The following GPSM2 variants were observed in gnomAD, a reference collection of about 807,000 sequenced individuals.
The protein encoded by GPSM2 is G protein signaling modulator 2.
In GPSM2, 58 loss-of-function variants were observed where a neutral mutation model predicts 78.4. The ratio of observed to expected loss-of-function variants is 0.74; its 90% CI spans 0.60 to 0.92. GPSM2 has a LOEUF of 0.92. Among genes scored for constraint, GPSM2 ranks in the 40% least tolerant of loss-of-function variants. The probability of loss-of-function intolerance (pLI) is 0.00; values close to 1 mark genes in which losing one functional copy is unlikely to be tolerated. For missense variants in GPSM2, 700 were observed against 815.5 expected (o/e 0.86, Z 1.73); for synonymous variants, 224 against 280.2 (o/e 0.80, Z 2.00).
chr1:108,882,176 G>C (rs1271513061), intron 1 of GPSM2, among the ~76,000 whole-genome samples: 1 of 152,112 alleles, frequency 6.6e-6, no homozygotes, highest in Admixed American at 6.6e-5. Context: ...GTCTTGAACT[G>C]TTGGTCTCAA....
At chr1:108,903,983 C>T in intron 9 of GPSM2, 142 bp from the exon 10 acceptor site, 1 of 628,562 alleles carries the variant, frequency 1.6e-6, no homozygotes, top group Non-Finnish European at 2.8e-6. Flanking sequence ...AATTTTCATT[C>T]ATTCATAGTC....
rs1379755625 is a variant in GPSM2 at position 108,933,559 on chromosome 1, A to ATT, written c.*3621_*3622dup. Reference sequence around the variant, plus strand: ...TTGGGATACAAATATCTGCATGAAAATTTAAAGACTTTATTCCTGACTGGT... The same window carrying ATT: ...TTGGGATACAAATATCTGCATGAAAATTTTTAAAGACTTTATTCCTGACTGGT... On this transcript the variant is annotated 3_prime_UTR_variant, in exon 15 of 15. Transcript: ENST00000264126. 1 of 152,278 alleles carries ATT rather than the reference A, an allele frequency of 6.6e-6. No individual in the cohort carries two copies. The highest frequency in any genetic ancestry group is 1.5e-5 in the Non-Finnish European group (1 of 68,058). 9.4% of individuals were successfully genotyped at this position (152,278 alleles called of 1,614,324 possible). A position where few individuals can be genotyped will look rare whatever the true frequency, so the allele number is the denominator to read the frequency against.
At position 108,901,854 on chromosome 1, in the gene GPSM2, C is replaced by T; in HGVS notation, c.862C>T (p.Leu288Phe). Residue 288 changes from leucine (L) to phenylalanine (F), a missense_variant, in exon 8 of 15, where the codon CTT becomes TTT. Coordinates refer to ENST00000264126, the MANE Select transcript of GPSM2 (RefSeq NM_013296.5). ...RAVEAQSCYS[L>F]GNTYTLLQDY... ...TGTAGAAGCACAGTCTTGTTACAGT[C>T]TTGGAAATACATATACTTTACTTCA... 5 of 1,611,148 alleles carry T rather than the reference C, an allele frequency of 3.1e-6. No individual in the cohort carries two copies. The South Asian group carries it at 3.3e-5, about 11-fold the overall frequency.
chr1:108,910,990 GA>G (rs1649692004), intron 10 of GPSM2, among the ~76,000 whole-genome samples: 1 of 151,958 alleles, frequency 6.6e-6, no homozygotes, highest in South Asian at 2.1e-4. Context: ...TAGAACTAAT[GA>G]AATAGTTCTA....
At chr1:108,882,013 G>A (rs1665923862) in intron 1 of GPSM2, among the ~76,000 whole-genome samples, 1 of 152,130 alleles carries the variant, frequency 6.6e-6, no homozygotes, top group South Asian at 2.1e-4. Flanking sequence ...GTGCAGTGGT[G>A]CAATCATCGA....
intron 1 of GPSM2, among the ~76,000 whole-genome samples, chr1:108,879,201 A>G (rs929079390): frequency 2.0e-5 from 3 of 152,214 alleles, no homozygotes; most frequent in African/African-American, 7.2e-5. Context: ...AGTTTCTTAC[A>G]TAAATATGAA....
intron 2 of GPSM2, among the ~76,000 whole-genome samples, chr1:108,887,921 G>A (rs1056242285): frequency 9.2e-5 from 14 of 152,190 alleles, no homozygotes; most frequent in African/African-American, 3.4e-4. Flanking sequence ...ATGCAATTAG[G>A]AACAAAACAA....
At chr1:108,909,500 GAAAT>G (rs1197064454) in intron 10 of GPSM2, 1 of 152,158 alleles carries the variant, frequency 6.6e-6, no homozygotes, top group African/African-American at 2.4e-5. Context: ...GGTTGAGAAA[GAAAT>G]CTTAAAGTTA....
At chr1:108,893,355 T>C (rs1413439592) in intron 2 of GPSM2, among the ~76,000 whole-genome samples, 2 of 152,256 alleles carry the variant, frequency 1.3e-5, no homozygotes, top group East Asian at 1.9e-4. Context: ...GGTGCTGTCA[T>C]GTGTGACCAT....
chr1:108,918,248 C>T (rs111676817), intron 11 of GPSM2, among the ~76,000 whole-genome samples: 4 of 152,210 alleles, frequency 2.6e-5, no homozygotes, highest in African/African-American at 9.6e-5. Context: ...ATTCTACATA[C>T]ATCCAAAAAT....
At chr1:108,881,572 G>A (rs1285809055) in intron 1 of GPSM2, among the ~76,000 whole-genome samples, 1 of 152,190 alleles carries the variant, frequency 6.6e-6, no homozygotes, top group Admixed American at 6.5e-5. Flanking sequence ...CATGAATCAT[G>A]AATCAAGAAT....
intron 1 of GPSM2, among the ~76,000 whole-genome samples, chr1:108,879,814 CA>C (rs1160622842): frequency 6.7e-6 from 1 of 150,212 alleles, no homozygotes; most frequent in Non-Finnish European, 1.5e-5. Context: ...GACTCCATCT[CA>C]AAAAAAAAGG....
At position 108,898,720 on chromosome 1, in the gene GPSM2, T is replaced by C. The variant is rs2101410440; in HGVS notation, c.636T>C (p.His212=). Residue 212 remains histidine, a synonymous_variant, in exon 6 of 15, where the codon CAT becomes CAC. Transcript: ENST00000264126. ...CCTTTGGAAATCTTGGAAACACACATTACCTCCTTGGCAACTTCAGGGATG... is the reference window on the plus strand; with the variant it reads ...CCTTTGGAAATCTTGGAAACACACACTACCTCCTTGGCAACTTCAGGGATG... ...GRAFGNLGNT[H]YLLGNFRDAV... 4 of 1,613,944 alleles carry C rather than the reference T, an allele frequency of 2.5e-6. No homozygotes were observed. In the Admixed American group the frequency reaches 5.0e-5, roughly 20 times the overall value.
Position 108,918,758 on chromosome 1 carries a change from C to A in GPSM2, c.1409C>A (p.Ser470Tyr). 6.2e-7 allele frequency: 1 copy of A among 1,613,538 alleles called. No homozygotes were observed. Among genetic ancestry groups the A allele is most frequent in the Admixed American group, 1.7e-5 (1 of 60,002 alleles). The change falls in exon 12 of 15, where the codon TCT becomes TAT. Residue 470 changes from serine (S) to tyrosine (Y), a missense_variant. Coordinates refer to ENST00000264126, the MANE Select transcript of GPSM2 (RefSeq NM_013296.5). Reference protein sequence around the residue: ...STKVLQDASNSIDHRIPNSQR... With the variant: ...STKVLQDASNYIDHRIPNSQR... ...AAAGTTCTCCAAGATGCCAGTAATT[C>A]TATTGACCACCGAATTCCAAATTCT...
intron 12 of GPSM2, among the ~76,000 whole-genome samples, chr1:108,921,999 T>TA (rs1297443370): frequency 6.7e-6 from 1 of 150,224 alleles, no homozygotes; most frequent in East Asian, 1.9e-4. Context: ...TCTTCAAATC[T>TA]AAGTATAAAA....
At chr1:108,904,043 T>A (rs2101441967) in intron 9 of GPSM2, 82 bp from the exon 10 acceptor site, 1 of 918,672 alleles carries the variant, frequency 1.1e-6, no homozygotes, top group East Asian at 2.6e-5. Context: ...TCTTCTAGTT[T>A]TAGGTTCACT....
Position 108,930,203 on chromosome 1 carries a change from A to C in GPSM2, c.*263A>C. The C allele has an allele frequency of 2.6e-6, 1 of 391,002 alleles. No individual in the cohort carries two copies. The highest frequency in any genetic ancestry group is 4.6e-6 in the Non-Finnish European group (1 of 218,520). 24.2% of individuals were successfully genotyped at this position (391,002 alleles called of 1,614,324 possible). A position where few individuals can be genotyped will look rare whatever the true frequency, so the allele number is the denominator to read the frequency against. Reference sequence around the variant, plus strand: ...CTTTGGCAGCTTGTGAGATTACTTTACCTAGTGTTTATAAAGTAGGAAGTT... The same window carrying C: ...CTTTGGCAGCTTGTGAGATTACTTTCCCTAGTGTTTATAAAGTAGGAAGTT... On this transcript the variant is annotated 3_prime_UTR_variant, in exon 15 of 15. Transcript: ENST00000264126.
Position 108,931,368 on chromosome 1 carries a change from A to C in GPSM2, c.*1428A>C. 6.4e-7 allele frequency: 1 copy of C among 1,551,172 alleles called. No homozygotes were observed. Among genetic ancestry groups the C allele is most frequent in the African/African-American group, 1.4e-5 (1 of 73,172 alleles). ...ACAAAGTAACTAACTAACTGTAGCA[A>C]AAGACAAGTATGGGACAGACTGGGA... On this transcript the variant is annotated 3_prime_UTR_variant, in exon 15 of 15. Coordinates refer to ENST00000264126, the MANE Select transcript of GPSM2 (RefSeq NM_013296.5).
chr1:108,927,813 A>T (rs839858), intron 14 of GPSM2, among the ~76,000 whole-genome samples: 2,171 of 152,160 alleles, frequency 0.014, 56 homozygotes, highest in African/African-American at 0.048. Context: ...CTATAAAAAA[A>T]TTTTTTTAAA....
Sources: allele counts gnomAD v4.1 joint callset (sites outside exome capture counted in the v4.1 genomes callset), GRCh38; gene constraint gnomAD v4.1.1; transcripts MANE v1.5; gene names NCBI Gene and HGNC (gene_info 2026-07-23, HGNC 2026-07-21).